The following HIC2 variants were observed in gnomAD, a reference collection of about 807,000 sequenced individuals.
The protein encoded by HIC2 is HIC ZBTB transcriptional repressor 2.
In HIC2, 2 loss-of-function variants were observed where a neutral mutation model predicts 39.5. The ratio of observed to expected loss-of-function variants is 0.05; its 90% CI spans 0.02 to 0.16. The LOEUF is 0.16. HIC2 is among the 10% of genes least tolerant of loss of function. The probability of loss-of-function intolerance (pLI) is 1.00; values close to 1 mark genes in which losing one functional copy is unlikely to be tolerated. For synonymous variants in HIC2, 399 were observed against 368.8 expected, an observed-to-expected ratio of 1.08 and a Z score of -0.94; for missense variants, 713 against 863.5, an observed-to-expected ratio of 0.83 and a Z score of 2.18.
chr22:21,443,957 C>A (rs77498447), intron 2 of HIC2, among the ~76,000 whole-genome samples: 3,336 of 152,368 alleles, frequency 0.022, 63 homozygotes, highest in Non-Finnish European at 0.032. Context: ...CCCATTTGCC[C>A]TGCCCTTGTA....
At chr22:21,432,562 G>A (rs1158304795) in intron 1 of HIC2, among the ~76,000 whole-genome samples, 1 of 99,470 alleles carries the variant, frequency 1.0e-5, no homozygotes, top group Non-Finnish European at 1.9e-5. Context: ...TGGAATCCCA[G>A]CTACTCGGGA....
At chr22:21,418,211 T>C (rs1922965013) in intron 1 of HIC2, among the ~76,000 whole-genome samples, 1 of 118,468 alleles carries the variant, frequency 8.4e-6, no homozygotes, top group Non-Finnish European at 1.8e-5. Flanking sequence ...AGAGATGGGC[T>C]TGGGGGAGGG....
At chr22:21,417,913 A>C (rs994963539) in intron 1 of HIC2, among the ~76,000 whole-genome samples, 2 of 148,476 alleles carry the variant, frequency 1.3e-5, no homozygotes, top group Non-Finnish European at 3.0e-5. Context: ...ATCTAATCCG[A>C]ACAGCGTCGG....
Position 21,446,311 on chromosome 22 carries a change from G to A in HIC2, c.1416G>A (p.Lys472=), listed in dbSNP as rs1923835277. The change falls in exon 3 of 3, where the codon AAG becomes AAA. Residue 472 remains lysine, a synonymous_variant. Coordinates refer to ENST00000407464, the MANE Select transcript of HIC2 (RefSeq NM_015094.3). ...ETHTEEELFI[K]EEGAYETGSG... ...ACACGGAGGAAGAGCTGTTCATCAA[G>A]GAAGAGGGGGCCTACGAGACAGGCA... The A allele has an allele frequency of 4.3e-6, 7 of 1,613,290 alleles. No individual in the cohort carries two copies. Among genetic ancestry groups the A allele is most frequent in the Non-Finnish European group, 5.9e-6 (7 of 1,180,006 alleles).
chr22:21,438,099 G>A (rs1177397078), intron 1 of HIC2, among the ~76,000 whole-genome samples: 7 of 151,648 alleles, frequency 4.6e-5, no homozygotes, highest in Admixed American at 2.0e-4. Context: ...TTGGGGTGGC[G>A]CCCTTTCCTG....
intron 2 of HIC2, among the ~76,000 whole-genome samples, chr22:21,443,632 C>G (rs1202748827): frequency 1.3e-5 from 2 of 152,154 alleles, no homozygotes; most frequent in Admixed American, 1.3e-4. Context: ...GAGGAAAGTT[C>G]ATGTTTTCAC....
At position 21,445,941 on chromosome 22, in the gene HIC2, C is replaced by T. The variant is rs536925478; in HGVS notation, c.1046C>T (p.Pro349Leu). ...AAGAAGGAGCCTGTGGCTGGCTCCC[C>T]CTTTGAGCGGAGAGAAGCAGGGCCC... Reference protein sequence around the residue: ...WGKKEPVAGSPFERREAGPKG... With the variant: ...WGKKEPVAGSLFERREAGPKG... The change falls in exon 3 of 3, where the codon CCC becomes CTC. Residue 349 changes from proline to leucine, a missense_variant. Pro to Leu is a moderately conservative substitution (Grantham distance 98, BLOSUM62 -3). Around this residue, in one of 5 missense-constraint regions of HIC2, gnomAD observed 457 missense variants for 420.2 expected, o/e 1.09. Coordinates refer to ENST00000407464, the MANE Select transcript of HIC2 (RefSeq NM_015094.3). 5 of 1,578,764 alleles carry T rather than the reference C, an allele frequency of 3.2e-6. No homozygotes were observed. Among genetic ancestry groups the T allele is most frequent in the Middle Eastern group, 1.7e-4 (1 of 5,834 alleles).
rs1203127230 is a variant in HIC2, at chr22:21,449,830, C to G, written c.*3087C>G. 2 of 152,776 alleles carry G rather than the reference C, an allele frequency of 1.3e-5. No homozygotes were observed. Among genetic ancestry groups the G allele is most frequent in the Non-Finnish European group, 2.9e-5 (2 of 68,102 alleles). The allele number at this position is 152,776 out of a possible 1,614,324, so 9.5% of individuals were successfully genotyped here. On this transcript the variant is annotated 3_prime_UTR_variant, in exon 3 of 3. Transcript: ENST00000407464. ...GACCATGCTGGTCCTGACCAGCTAGCCTACGCGGGGATGGCCGTCAGTTCT... is the reference window on the plus strand; with the variant it reads ...GACCATGCTGGTCCTGACCAGCTAGGCTACGCGGGGATGGCCGTCAGTTCT...
intron 1 of HIC2, among the ~76,000 whole-genome samples, chr22:21,438,173 G>A (rs546279597): frequency 1.3e-5 from 2 of 152,404 alleles, no homozygotes; most frequent in South Asian, 2.1e-4. Context: ...TCAGTCTGAA[G>A]GCAGGGTTAT....
chr22:21,436,338 G>C (rs1474599855), intron 1 of HIC2, among the ~76,000 whole-genome samples: 1 of 151,900 alleles, frequency 6.6e-6, no homozygotes, highest in Non-Finnish European at 1.5e-5. Context: ...CAGTACCCAT[G>C]GGCGGGTGGC....
rs750692757 is a variant in HIC2 at position 21,445,674 on chromosome 22, C to T, written c.779C>T (p.Thr260Ile). Residue 260 changes from threonine to isoleucine, a missense_variant, in exon 3 of 3, where the codon ACC becomes ATC. By Grantham distance (89) the Thr-to-Ile change is moderately conservative (BLOSUM62 -1). This residue lies in a region of HIC2 where 457 missense variants were observed against 420.2 expected (regional missense o/e 1.09). Transcript: ENST00000407464. ...SKKSPPLPPA[T>I]PGPHLTPDDA... is the part of the protein sequence containing the mutation. ...AAAAGCCCACCCTTGCCCCCTGCCACCCCAGGTCCCCACCTCACTCCCGAT... is the reference window on the plus strand; with the variant it reads ...AAAAGCCCACCCTTGCCCCCTGCCATCCCAGGTCCCCACCTCACTCCCGAT... The T allele has an allele frequency of 3.1e-6, 5 of 1,609,688 alleles. No homozygotes were observed. The highest frequency in any genetic ancestry group is 1.7e-5 in the Admixed American group (1 of 59,498).
chr22:21,451,043 C>G lies in HIC2; in HGVS notation c.*4300C>G, dbSNP rs1305986852. On this transcript the variant is annotated 3_prime_UTR_variant, in exon 3 of 3. Coordinates refer to ENST00000407464, the MANE Select transcript of HIC2 (RefSeq NM_015094.3). The stretch of plus-strand genomic sequence containing the variant: ...CCAGGTGCTGAGGGGAGCCTCTCTA[C>G]CCCACCCATCACTAGCTTCCCTCTG... 6.5e-6 allele frequency: 1 copy of G among 152,730 alleles called. No individual in the cohort carries two copies. Among genetic ancestry groups the G allele is most frequent in the Non-Finnish European group, 1.5e-5 (1 of 68,036 alleles). The allele number at this position is 152,730 out of a possible 1,614,324, so 9.5% of individuals were successfully genotyped here. A position where few individuals can be genotyped will look rare whatever the true frequency, so the allele number is the denominator to read the frequency against.
rs1263730239 is a variant in HIC2, at chr22:21,447,509, G to T, written c.*766G>T. The T allele has an allele frequency of 6.6e-6, 1 of 152,614 alleles. No homozygotes were observed. The highest frequency in any genetic ancestry group is 1.5e-5 in the Non-Finnish European group (1 of 68,046). The allele number at this position is 152,614 out of a possible 1,614,324, so 9.5% of individuals were successfully genotyped here. ...CGGCTCTGGCGCTGCAGGGGTGTCG[G>T]CGCGCCACCTCTCCAGGCCCCAGAA... On this transcript the variant is annotated 3_prime_UTR_variant, in exon 3 of 3. Coordinates refer to ENST00000407464, the MANE Select transcript of HIC2 (RefSeq NM_015094.3).
At position 21,445,294 on chromosome 22, in the gene HIC2, C is replaced by A. The variant is rs1302288289; in HGVS notation, c.399C>A (p.Ala133=). The A allele has an allele frequency of 1.9e-6, 3 of 1,608,082 alleles. No individual in the cohort carries two copies. In the South Asian group the frequency reaches 3.3e-5, roughly 18 times the overall value. Residue 133 remains alanine, a synonymous_variant, in exon 3 of 3, where the codon GCC becomes GCA. Coordinates refer to ENST00000407464, the MANE Select transcript of HIC2 (RefSeq NM_015094.3). ...ASYLQLPELA[A]LCRRKLKRAG... ...ACCTCCAGCTGCCCGAGTTGGCAGC[C>A]CTCTGCCGCCGCAAACTCAAGCGAG...
chr22:21,418,218 A>AG (rs1922965751), intron 1 of HIC2, among the ~76,000 whole-genome samples: 1 of 95,966 alleles, frequency 1.0e-5, no homozygotes, highest in Non-Finnish European at 2.1e-5. Context: ...GGCTTGGGGG[A>AG]GGGGGTCGGC....
rs1324955518 is a variant in HIC2, at chr22:21,446,388, A to G, written c.1493A>G (p.Tyr498Cys). The change falls in exon 3 of 3, where the codon TAC (tyrosine) becomes TGC (cysteine). Residue 498 changes from tyrosine (Y) to cysteine (C), a missense_variant. Tyr to Cys is a radical substitution (Grantham distance 194, BLOSUM62 -2). This residue lies in a region of HIC2 where 103 missense variants were observed against 103.4 expected (regional missense o/e 1.00). Transcript: ENST00000407464. Reference protein sequence around the residue: ...AEDLSAPSAAYTAEPRPFKCS... With the variant: ...AEDLSAPSAACTAEPRPFKCS... ...GACCTGTCAGCACCCAGTGCGGCCT[A>G]CACGGCTGAGCCCCGGCCCTTCAAG... 1.9e-6 allele frequency: 3 copies of G among 1,612,354 alleles called. No individual in the cohort carries two copies. The highest frequency in any genetic ancestry group is 2.7e-5 in the African/African-American group (2 of 74,946).
In HIC2 at chr22:21,446,140, G is replaced by T. The variant is rs1260742167; in HGVS notation, c.1245G>T (p.Glu415Asp). 6.2e-7 allele frequency: 1 copy of T among 1,608,436 alleles called. No homozygotes were observed. The highest frequency in any genetic ancestry group is 2.2e-5 in the East Asian group (1 of 44,874). The change falls in exon 3 of 3, where the codon GAG becomes GAT. Residue 415 changes from glutamate (E) to aspartate (D), a missense_variant. Glu to Asp is a conservative substitution (Grantham distance 45, BLOSUM62 2). Around this residue, in one of 5 missense-constraint regions of HIC2, gnomAD observed 457 missense variants for 420.2 expected, o/e 1.09. Transcript: ENST00000407464. ...AAGACAGTGCGCAGAGCGGGAGCGA[G>T]GGGGGCAGCGGCCATGCCAGCGCCC... Reference protein sequence around the residue: ...ASEDSAQSGSEGGSGHASAHY... With the variant: ...ASEDSAQSGSDGGSGHASAHY...
At position 21,446,436 on chromosome 22, in the gene HIC2, A is replaced by G. The variant is rs1447418675; in HGVS notation, c.1541A>G (p.Tyr514Cys). 1.9e-6 allele frequency: 3 copies of G among 1,612,054 alleles called. No homozygotes were observed. The highest frequency in any genetic ancestry group is 2.7e-5 in the African/African-American group (2 of 74,940). The change falls in exon 3 of 3, where the codon TAC (tyrosine) becomes TGC (cysteine). Residue 514 changes from tyrosine to cysteine, a missense_variant. Coordinates refer to ENST00000407464, the MANE Select transcript of HIC2 (RefSeq NM_015094.3). The stretch of plus-strand genomic sequence containing the variant: ...AAGTGTTCGGTCTGCGAGAAGACCT[A>G]CAAGGACCCAGCCACGCTGCGGCAG... ...PFKCSVCEKTYKDPATLRQHE... is the reference protein window; with the variant it reads ...PFKCSVCEKTCKDPATLRQHE...
chr22:21,444,790 G>A (rs1057384191), intron 2 of HIC2, 132 bp from the exon 3 acceptor site: 13 of 936,438 alleles, frequency 1.4e-5, no homozygotes, highest in Admixed American at 7.6e-5. Flanking sequence ...GCCGTGTACT[G>A]TGCCGCAGGG....
Sources: gnomAD v4.1 joint callset for allele counts (sites outside exome capture counted in the v4.1 genomes callset) on GRCh38, gnomAD v4.1.1 for gene constraint, gnomAD v4.1.1 regional missense constraint, MANE v1.5 for transcripts, NCBI Gene and HGNC (gene_info 2026-07-23, HGNC 2026-07-21) for gene names.